The following CGNL1 variants were observed in gnomAD, a reference collection of about 807,000 sequenced individuals.
CGNL1 encodes cingulin-like protein 1.
A neutral mutation model predicts 141.2 loss-of-function variants in CGNL1; 132 were observed. The ratio of observed to expected loss-of-function variants is 0.93; its 90% CI spans 0.81 to 1.08. The LOEUF (loss-of-function observed/expected upper bound fraction) is 1.08. Ranked by LOEUF, CGNL1 falls within the 50% of genes least tolerant of loss-of-function variation. The probability of loss-of-function intolerance (pLI) is 0.00; values close to 1 mark genes in which losing one functional copy is unlikely to be tolerated. For missense variants in CGNL1, 1,870 were observed against 1,588.6 expected (o/e 1.18, Z -3.01); for synonymous variants, 690 against 622.1 (o/e 1.11, Z -1.63).
chr15:57,545,661 G>C lies in CGNL1; in HGVS notation c.3570G>C (p.Val1190=). The C allele has an allele frequency of 6.2e-7, 1 of 1,613,692 alleles. No individual in the cohort carries two copies. The highest frequency in any genetic ancestry group is 1.1e-5 in the South Asian group (1 of 90,962). ...AAGTGAAGGAGCTGGTGATGCAGGT[G>C]GATGATGAGCACCTGTCATTGACTG... ...ERKVKELVMQ[V]DDEHLSLTDQ... is the part of the protein sequence containing the mutation. Residue 1190 remains valine (V), a synonymous_variant, in exon 17 of 19, where the codon GTG becomes GTC. Coordinates refer to ENST00000281282, the MANE Select transcript of CGNL1 (RefSeq NM_032866.5).
intron 7 of CGNL1, among the ~76,000 whole-genome samples, chr15:57,455,001 C>T (rs1764444213): frequency 1.3e-5 from 2 of 152,174 alleles, no homozygotes; most frequent in Non-Finnish European, 2.9e-5. Context: ...TGATAGCTTT[C>T]ATCTACCCAT....
chr15:57,511,721 G>A (rs1332935958), intron 8 of CGNL1, among the ~76,000 whole-genome samples: 1 of 152,154 alleles, frequency 6.6e-6, no homozygotes, highest in African/African-American at 2.4e-5. Context: ...ATAGAAAATG[G>A]CACAGTTGTT....
chr15:57,546,028 G>A, intron 17 of CGNL1, 48 bp from the exon 18 acceptor site: 1 of 1,584,090 alleles, frequency 6.3e-7, no homozygotes, highest in South Asian at 1.2e-5. Flanking sequence ...CTGAGCGCTG[G>A]GGCTGGGCCA....
chr15:57,490,545 G>A (rs2063845442), intron 8 of CGNL1, among the ~76,000 whole-genome samples: 1 of 152,096 alleles, frequency 6.6e-6, no homozygotes, highest in African/African-American at 2.4e-5. Flanking sequence ...TAAAATAAAT[G>A]CTCATGGTGT....
chr15:57,502,808 A>T (rs1258079266), intron 8 of CGNL1, among the ~76,000 whole-genome samples: 1 of 152,158 alleles, frequency 6.6e-6, no homozygotes, highest in African/African-American at 2.4e-5. Flanking sequence ...GGATACTTCA[A>T]TCCTTAATTG....
At chr15:57,444,166 C>T (rs1447409757) in intron 4 of CGNL1, among the ~76,000 whole-genome samples, 2 of 148,242 alleles carry the variant, frequency 1.3e-5, no homozygotes, top group East Asian at 4.4e-4. Flanking sequence ...AGTCGTTTTG[C>T]CTTTCTTGAC....
intron 8 of CGNL1, among the ~76,000 whole-genome samples, chr15:57,484,471 T>G (rs2063763276): frequency 6.6e-6 from 1 of 152,192 alleles, no homozygotes; most frequent in African/African-American, 2.4e-5. Context: ...TTTATCCTTT[T>G]TTTCTTTGTC....
chr15:57,420,179 A>T (rs2062897847), intron 1 of CGNL1, among the ~76,000 whole-genome samples: 2 of 152,138 alleles, frequency 1.3e-5, no homozygotes. Context: ...TTAGAAGAAT[A>T]AGCCATTTAT....
rs1486453563 is a variant in CGNL1 at position 57,485,682 on chromosome 15, AG to A, written c.2403+23791del. Among the ~76,000 whole-genome samples the A allele has an allele frequency of 9.8e-5, 15 of 152,356 alleles. No individual in the cohort carries two copies. The East Asian group carries it at 2.9e-3, about 29-fold the overall frequency. Reference sequence around the variant, plus strand: ...TTTAGTAAAAACAAATGATAGAAAAAGCTTGCTTTAAATTAAATTGAACAAT... The same window carrying A: ...TTTAGTAAAAACAAATGATAGAAAAACTTGCTTTAAATTAAATTGAACAAT... On this transcript the variant is annotated intron_variant, in intron 8 of 18. Transcript: ENST00000281282.
At chr15:57,518,898 G>A (rs192378316) in intron 10 of CGNL1, among the ~76,000 whole-genome samples, 5 of 152,336 alleles carry the variant, frequency 3.3e-5, no homozygotes, top group Admixed American at 3.3e-4. Context: ...GATAAAATAT[G>A]AGTGGTGTGA....
chr15:57,520,026 C>T (rs1311733753), intron 10 of CGNL1, among the ~76,000 whole-genome samples: 7 of 152,186 alleles, frequency 4.6e-5, no homozygotes, highest in South Asian at 4.1e-4. Flanking sequence ...GATCTCTAGC[C>T]TTGTCTTGGA....
rs1321905390 is a variant in CGNL1 at position 57,511,093 on chromosome 15, A to T, written c.2404-5687A>T. Among the ~76,000 whole-genome samples, 2 of 152,208 alleles carry T rather than the reference A, an allele frequency of 1.3e-5. 1 individual carries two copies. Among genetic ancestry groups the T allele is most frequent in the South Asian group, 4.1e-4 (2 of 4,830 alleles). On this transcript the variant is annotated intron_variant, in intron 8 of 18. Coordinates refer to ENST00000281282, the MANE Select transcript of CGNL1 (RefSeq NM_032866.5). ...TATTTATTTTTAAAAATGGTAATACATGTTGAATTTCCATGGTTCAAAATT... is the reference window on the plus strand; with the variant it reads ...TATTTATTTTTAAAAATGGTAATACTTGTTGAATTTCCATGGTTCAAAATT...
At chr15:57,515,911 C>A (rs1241833457) in intron 8 of CGNL1, among the ~76,000 whole-genome samples, 1 of 152,098 alleles carries the variant, frequency 6.6e-6, no homozygotes. Context: ...GTAATCCCAG[C>A]ACTTTGGGAG....
At chr15:57,489,486 T>C (rs533561451) in intron 8 of CGNL1, among the ~76,000 whole-genome samples, 10 of 152,342 alleles carry the variant, frequency 6.6e-5, no homozygotes, top group African/African-American at 1.7e-4. Context: ...TTCTAATGGA[T>C]AGAAAATAGA....
At chr15:57,378,823 C>T (rs1049412899) in intron 1 of CGNL1, among the ~76,000 whole-genome samples, 9 of 152,138 alleles carry the variant, frequency 5.9e-5, no homozygotes, top group African/African-American at 2.2e-4. Context: ...TAATTTTGCC[C>T]ACTTGGTTTT....
chr15:57,390,776 C>T (rs1033807615), intron 1 of CGNL1, among the ~76,000 whole-genome samples: 2 of 152,040 alleles, frequency 1.3e-5, no homozygotes, highest in African/African-American at 4.8e-5. Flanking sequence ...TGCGATGGGG[C>T]TCGTGGGAGT....
rs1261118626 is a variant in CGNL1, at chr15:57,547,373, T to G, written c.3792T>G (p.Ser1264Arg). 6.2e-7 allele frequency: 1 copy of G among 1,613,904 alleles called. No homozygotes were observed. The highest frequency in any genetic ancestry group is 1.3e-5 in the African/African-American group (1 of 74,894). ...TCAGCAGACTGAAGAAGCTGCCGAG[T>G]AAAGTGCTGGATGACATGGATGACG... is the stretch of plus-strand genomic sequence containing the variant. ...KKDLRLKKLP[S>R]KVLDDMDDDD... Residue 1264 changes from serine to arginine, a missense_variant, in exon 19 of 19, where the codon AGT becomes AGG. Transcript: ENST00000281282.
intron 1 of CGNL1, among the ~76,000 whole-genome samples, chr15:57,392,489 G>A (rs1370052688): frequency 6.6e-6 from 1 of 152,128 alleles, no homozygotes; most frequent in Non-Finnish European, 1.5e-5. Flanking sequence ...ACTTTATGAG[G>A]GGCTGAAACC....
At chr15:57,450,478 C>T (rs1567125848) in intron 4 of CGNL1, among the ~76,000 whole-genome samples, 3 of 152,124 alleles carry the variant, frequency 2.0e-5, no homozygotes, top group Non-Finnish European at 4.4e-5. Flanking sequence ...GGTTTCACCA[C>T]GTTGGCCAGG....
Sources: gnomAD v4.1 joint callset for allele counts (sites outside exome capture counted in the v4.1 genomes callset) on GRCh38, gnomAD v4.1.1 for gene constraint, MANE v1.5 for transcripts, NCBI Gene and HGNC (gene_info 2026-07-23, HGNC 2026-07-21) for gene names.